Variants in MALRD1 observed in about 807,000 individuals in gnomAD.
MALRD1 encodes MAM and LDL receptor class A domain containing 1.
MALRD1 carries 247 observed loss-of-function variants against 242.1 expected under a neutral mutation model. That is an observed-to-expected ratio of 1.02 (90% CI 0.92 to 1.13). The LOEUF (loss-of-function observed/expected upper bound fraction) is 1.13, where lower values mean the gene tolerates loss of function less well. Among genes scored for constraint, MALRD1 ranks in the 50% most tolerant of loss-of-function variants. The probability of loss-of-function intolerance (pLI) is 0.00; values close to 1 mark genes in which losing one functional copy is unlikely to be tolerated. For synonymous variants in MALRD1, 995 were observed against 866.6 expected, an observed-to-expected ratio of 1.15 and a Z score of -2.60; for missense variants, 2,989 against 2,533.1, an observed-to-expected ratio of 1.18 and a Z score of -3.86.
At chr10:19,563,597 C>A (rs183311097) in intron 32 of MALRD1, among the ~76,000 whole-genome samples, 6 of 152,256 alleles carry the variant, frequency 3.9e-5, no homozygotes, top group Non-Finnish European at 2.9e-5. Context: ...TTTTTCTTAG[C>A]CAAAGGATTT....
chr10:19,218,706 T>G (rs1837431689), intron 18 of MALRD1, among the ~76,000 whole-genome samples: 1 of 152,092 alleles, frequency 6.6e-6, no homozygotes, highest in Non-Finnish European at 1.5e-5. Context: ...CTTACAGGTA[T>G]TTAAGAAAAA....
intron 1 of MALRD1, among the ~76,000 whole-genome samples, chr10:19,054,125 A>G: frequency 6.6e-6 from 1 of 152,170 alleles, no homozygotes; most frequent in Non-Finnish European, 1.5e-5. Context: ...AAATTTTTAA[A>G]TGATTTAAAA....
chr10:19,147,858 A>G (rs1465768460), intron 11 of MALRD1, among the ~76,000 whole-genome samples: 1 of 152,208 alleles, frequency 6.6e-6, no homozygotes, highest in Non-Finnish European at 1.5e-5. Context: ...ACGGAACCAA[A>G]GAGAGGTGGG....
At chr10:19,375,221 A>T (rs573811592) in intron 26 of MALRD1, among the ~76,000 whole-genome samples, 1 of 152,224 alleles carries the variant, frequency 6.6e-6, no homozygotes, top group African/African-American at 2.4e-5. Flanking sequence ...AATATTCCCC[A>T]AAGTAGGTAC....
intron 36 of MALRD1, among the ~76,000 whole-genome samples, chr10:19,623,299 A>G (rs1169874197): frequency 1.3e-5 from 2 of 152,150 alleles, no homozygotes; most frequent in Non-Finnish European, 2.9e-5. Flanking sequence ...GAACTATTTT[A>G]ATATACAGGG....
intron 39 of MALRD1, 114 bp from the exon 40 acceptor site, chr10:19,734,043 A>C: frequency 1.4e-6 from 1 of 735,572 alleles, no homozygotes; most frequent in Non-Finnish European, 2.2e-6. Flanking sequence ...TGTTCTAGTT[A>C]TTACTCCAGT....
At chr10:19,273,240 A>G (rs1333542603) in intron 19 of MALRD1, among the ~76,000 whole-genome samples, 1 of 152,196 alleles carries the variant, frequency 6.6e-6, no homozygotes, top group African/African-American at 2.4e-5. Context: ...TAAAATGTCA[A>G]ATGTGAAATG....
intron 14 of MALRD1, among the ~76,000 whole-genome samples, chr10:19,193,864 A>G (rs1182998166): frequency 6.6e-6 from 1 of 151,784 alleles, no homozygotes; most frequent in Non-Finnish European, 1.5e-5. Flanking sequence ...ATACACACAC[A>G]TATATATAAT....
chr10:19,682,929 A>G (rs1344873651), intron 36 of MALRD1, among the ~76,000 whole-genome samples: 1 of 152,202 alleles, frequency 6.6e-6, no homozygotes, highest in East Asian at 1.9e-4. Context: ...GGCCCTGAGC[A>G]TCTTCAGCAC....
chr10:19,513,383 C>T (rs1833487830), intron 31 of MALRD1, among the ~76,000 whole-genome samples: 1 of 152,024 alleles, frequency 6.6e-6, no homozygotes, highest in African/African-American at 2.4e-5. Context: ...GATACTGGTG[C>T]CATGCTTATA....
chr10:19,163,681 G>T lies in MALRD1; in HGVS notation c.1657-1956G>T, dbSNP rs78221917. Among the ~76,000 whole-genome samples the T allele has an allele frequency of 8.6e-3, 1,309 of 152,212 alleles. 14 individuals carry two copies. The highest frequency in any genetic ancestry group is 0.03 in the African/African-American group (1,241 of 41,524). ...AAGTAAAAAGGAAAAACAATGAGTTGAAAACAATTGTGGGCTGTATCAATA... is the reference window on the plus strand; with the variant it reads ...AAGTAAAAAGGAAAAACAATGAGTTTAAAACAATTGTGGGCTGTATCAATA... On this transcript the variant is annotated intron_variant, in intron 12 of 39. Transcript: ENST00000454679.
chr10:19,291,171 A>C (rs1841405662), intron 21 of MALRD1, among the ~76,000 whole-genome samples: 1 of 152,126 alleles, frequency 6.6e-6, no homozygotes, highest in Admixed American at 6.6e-5. Context: ...TTTAGTATAA[A>C]ATTATTCCCT....
chr10:19,406,029 CT>C (rs1303884887), intron 28 of MALRD1, among the ~76,000 whole-genome samples: 1 of 152,194 alleles, frequency 6.6e-6, no homozygotes, highest in Non-Finnish European at 1.5e-5. Context: ...AACTCTGCCG[CT>C]TACTACTCAT....
intron 21 of MALRD1, among the ~76,000 whole-genome samples, chr10:19,321,393 C>A (rs1268153511): frequency 6.6e-6 from 1 of 152,078 alleles, no homozygotes; most frequent in East Asian, 1.9e-4. Flanking sequence ...TGGGAATCAT[C>A]TCTTCCCAAC....
chr10:19,467,392 C>CAAAA (rs71387079), intron 29 of MALRD1, among the ~76,000 whole-genome samples: 7,946 of 53,164 alleles, frequency 0.15, 1,385 homozygotes, highest in East Asian at 0.29. Flanking sequence ...GACTCCGTCT[C>CAAAA]AAAAAAAAAA....
At chr10:19,215,073 T>G (rs1193908756) in intron 18 of MALRD1, among the ~76,000 whole-genome samples, 1 of 152,216 alleles carries the variant, frequency 6.6e-6, no homozygotes, top group Non-Finnish European at 1.5e-5. Context: ...CCTTTTGCTT[T>G]GACTGGACCA....
chr10:19,050,150 G>C (rs1395787418), intron 1 of MALRD1, among the ~76,000 whole-genome samples: 6 of 145,922 alleles, frequency 4.1e-5, no homozygotes, highest in South Asian at 2.2e-4. Context: ...TGCAGTGGCG[G>C]GATCTCGGCT....
chr10:19,608,178 G>A (rs1320765522), intron 35 of MALRD1, among the ~76,000 whole-genome samples: 1 of 151,986 alleles, frequency 6.6e-6, no homozygotes, highest in Non-Finnish European at 1.5e-5. Flanking sequence ...AAGATTATTA[G>A]CATTTAATAA....
chr10:19,541,990 A>T (rs1481290647), intron 32 of MALRD1, among the ~76,000 whole-genome samples: 1 of 152,200 alleles, frequency 6.6e-6, no homozygotes, highest in Non-Finnish European at 1.5e-5. Context: ...ACTCAAGAGA[A>T]AGAGCTAATC....
Sources: gnomAD v4.1 joint callset for allele counts (sites outside exome capture counted in the v4.1 genomes callset) on GRCh38, gnomAD v4.1.1 for gene constraint, MANE v1.5 for transcripts, NCBI Gene and HGNC (gene_info 2026-07-23, HGNC 2026-07-21) for gene names.